Variants in SUPT3H observed in about 807,000 individuals in gnomAD.
SUPT3H encodes the protein SPT3 homolog, SAGA and STAGA complex component, also known as transcription initiation protein SPT3 homolog.
Under a neutral mutation model 44.3 loss-of-function variants are expected in SUPT3H, and 44 were observed. The ratio of observed to expected loss-of-function variants is 0.99; its 90% CI spans 0.78 to 1.28. The LOEUF is 1.28. SUPT3H is among the 50% of genes most tolerant of loss of function. SUPT3H has a pLI of 0.00. For synonymous variants in SUPT3H, 124 were observed against 125.6 expected, an observed-to-expected ratio of 0.99 and a Z score of 0.09; for missense variants, 380 against 387.1, an observed-to-expected ratio of 0.98 and a Z score of 0.15.
Position 45,092,704 on chromosome 6 carries a change from T to C in SUPT3H, c.186+13218A>G, listed in dbSNP as rs558460361. ...GTTGGAGGTTCCAGTGAGCTGAGAT[T>C]GTGCCATCGCACTCCAGCCTGGGGA... On this transcript the variant is annotated intron_variant, in intron 3 of 10. Coordinates refer to ENST00000371459, the MANE Select transcript of SUPT3H (RefSeq NM_003599.4). Among the ~76,000 whole-genome samples the C allele has an allele frequency of 2.2e-3, 323 of 148,216 alleles. 1 individual carries two copies. The highest frequency in any genetic ancestry group is 7.8e-3 in the African/African-American group (310 of 39,564).
intron 10 of SUPT3H, 29 bp downstream of exon 10, chr6:44,932,624 T>A: frequency 6.8e-7 from 1 of 1,461,992 alleles, no homozygotes. Flanking sequence ...ATTATAAATA[T>A]AACTTTTTAT....
intron 2 of SUPT3H, among the ~76,000 whole-genome samples, chr6:45,187,476 C>T (rs1049577206): frequency 5.3e-5 from 8 of 151,480 alleles, no homozygotes; most frequent in Non-Finnish European, 1.0e-4. Flanking sequence ...CTTTCCCTTA[C>T]GAGGGCTGTG....
chr6:45,052,902 G>A (rs957630682), intron 3 of SUPT3H, among the ~76,000 whole-genome samples: 4 of 152,144 alleles, frequency 2.6e-5, no homozygotes, highest in Non-Finnish European at 5.9e-5. Context: ...GCAGAAGGGG[G>A]TAAAAAGGTA....
intron 3 of SUPT3H, among the ~76,000 whole-genome samples, chr6:45,057,437 T>G (rs1005796507): frequency 6.6e-6 from 1 of 152,018 alleles, no homozygotes; most frequent in African/African-American, 2.4e-5. Context: ...TAGAAGGTAT[T>G]GTGATGACAC....
chr6:45,113,952 C>T (rs1187034024), intron 2 of SUPT3H, among the ~76,000 whole-genome samples: 3 of 151,460 alleles, frequency 2.0e-5, no homozygotes, highest in East Asian at 1.9e-4. Flanking sequence ...TGATAGTAAA[C>T]ATTCATATAA....
chr6:44,934,485 C>T (rs1374311908), intron 9 of SUPT3H, among the ~76,000 whole-genome samples: 1 of 152,182 alleles, frequency 6.6e-6, no homozygotes, highest in African/African-American at 2.4e-5. Flanking sequence ...AAACACTGAT[C>T]AAAAACTGAA....
chr6:45,024,709 CGGG>C (rs1562286988), intron 3 of SUPT3H, among the ~76,000 whole-genome samples: 1 of 152,074 alleles, frequency 6.6e-6, no homozygotes, highest in African/African-American at 2.4e-5. Context: ...AGCATTATTC[CGGG>C]AGTGACTATG....
chr6:45,213,976 T>C (rs937696131), intron 2 of SUPT3H, among the ~76,000 whole-genome samples: 1 of 139,308 alleles, frequency 7.2e-6, no homozygotes, highest in African/African-American at 2.6e-5. Flanking sequence ...TCCATAATCA[T>C]GTTAATAACA....
At chr6:45,178,582 A>C (rs1248091058) in intron 2 of SUPT3H, among the ~76,000 whole-genome samples, 1 of 151,912 alleles carries the variant, frequency 6.6e-6, no homozygotes, top group Non-Finnish European at 1.5e-5. Context: ...ACATCTACAG[A>C]ACTCTCCACC....
At chr6:45,246,468 T>G (rs571097001) in intron 2 of SUPT3H, among the ~76,000 whole-genome samples, 7 of 152,094 alleles carry the variant, frequency 4.6e-5, no homozygotes, top group South Asian at 4.1e-4. Flanking sequence ...GGAAGTAGAG[T>G]GCAACTTTGC....
chr6:45,217,400 A>T (rs921271088), intron 2 of SUPT3H, among the ~76,000 whole-genome samples: 1 of 150,296 alleles, frequency 6.7e-6, no homozygotes, highest in East Asian at 1.9e-4. Flanking sequence ...ACTTGAACCC[A>T]GGAGGCGGAG....
At chr6:44,932,806 C>T (rs1003545379) in intron 9 of SUPT3H, 43 bp from the exon 10 acceptor site, 11 of 1,305,574 alleles carry the variant, frequency 8.4e-6, no homozygotes, top group South Asian at 2.6e-5. Context: ...ATCAAAAACA[C>T]GCAACAGAAC....
chr6:45,108,943 A>T (rs1799672775), intron 2 of SUPT3H, among the ~76,000 whole-genome samples: 2 of 152,154 alleles, frequency 1.3e-5, no homozygotes, highest in African/African-American at 4.8e-5. Context: ...ATCAAGAAAC[A>T]AATTATTTGA....
chr6:45,197,681 G>C (rs1305816742), intron 2 of SUPT3H: 1 of 317,392 alleles, frequency 3.2e-6, no homozygotes, highest in Non-Finnish European at 6.4e-6. Context: ...AAAATAAGAA[G>C]ATAAAGAGTG....
intron 11 of SUPT3H, among the ~76,000 whole-genome samples, chr6:44,820,039 G>A (rs1319697273): frequency 6.6e-6 from 1 of 151,682 alleles, no homozygotes; most frequent in African/African-American, 2.4e-5. Context: ...CCTGGGCAAC[G>A]TGGTGAAACC....
intron 2 of SUPT3H, among the ~76,000 whole-genome samples, chr6:45,130,087 TCA>T (rs1403553032): frequency 6.6e-6 from 1 of 152,174 alleles, no homozygotes; most frequent in Non-Finnish European, 1.5e-5. Flanking sequence ...TTCTGGACAT[TCA>T]CAGAGTTGTG....
chr6:45,264,399 C>T (rs1774910401), intron 2 of SUPT3H, among the ~76,000 whole-genome samples: 1 of 152,096 alleles, frequency 6.6e-6, no homozygotes, highest in South Asian at 2.1e-4. Context: ...GTGGCTCACG[C>T]CTGTAATCCT....
At chr6:45,048,721 A>C (rs1424593883) in intron 3 of SUPT3H, among the ~76,000 whole-genome samples, 1 of 152,166 alleles carries the variant, frequency 6.6e-6, no homozygotes, top group East Asian at 1.9e-4. Flanking sequence ...AAAAGGTAGG[A>C]AGTTCTGTCA....
intron 10 of SUPT3H, among the ~76,000 whole-genome samples, chr6:44,899,616 G>T (rs1200972279): frequency 6.6e-6 from 1 of 152,230 alleles, no homozygotes; most frequent in Non-Finnish European, 1.5e-5. Flanking sequence ...GAACCCGGGA[G>T]ATGGAGGATG....
Sources: allele counts gnomAD v4.1 joint callset (sites outside exome capture counted in the v4.1 genomes callset), GRCh38; gene constraint gnomAD v4.1.1; transcripts MANE v1.5; gene names NCBI Gene and HGNC (gene_info 2026-07-23, HGNC 2026-07-21).